The following MUS81 variants were observed in gnomAD, a reference collection of about 807,000 sequenced individuals.
MUS81 encodes the protein MUS81 structure-specific endonuclease subunit, also known as structure-specific endonuclease subunit MUS81.
MUS81 carries 69 observed loss-of-function variants against 74.2 expected under a neutral mutation model. The observed-to-expected ratio is 0.93, with a 90% CI of 0.77 to 1.14. The LOEUF (loss-of-function observed/expected upper bound fraction) is 1.14. MUS81 is among the 50% of genes most tolerant of loss of function. The probability of loss-of-function intolerance (pLI) is 0.00; values close to 1 mark genes in which losing one functional copy is unlikely to be tolerated. For missense variants in MUS81, 711 were observed against 726.5 expected (o/e 0.98, Z 0.25); for synonymous variants, 303 against 300.6 (o/e 1.01, Z -0.08).
Position 65,863,860 on chromosome 11 carries a change from C to A in MUS81, c.1018C>A (p.Leu340Ile). The A allele has an allele frequency of 6.2e-7, 1 of 1,614,172 alleles. No homozygotes were observed. Among genetic ancestry groups the A allele is most frequent in the Non-Finnish European group, 8.5e-7 (1 of 1,180,008 alleles). ...HIVERKRLDD[L>I]CSSIIDGRFR... ...TGTGGAGCGCAAGCGACTGGATGAC[C>A]TTTGCAGCAGCATCATCGACGGCCG... is the stretch of plus-strand genomic sequence containing the variant. The change falls in exon 10 of 16, where the codon CTT (leucine) becomes ATT (isoleucine). Residue 340 changes from leucine to isoleucine, a missense_variant. Coordinates refer to ENST00000308110, the MANE Select transcript of MUS81 (RefSeq NM_025128.5).
chr11:65,860,621 A>ATCTCAACGGTCCTGCCCTCGG lies in MUS81; in HGVS notation c.-128_-108dup. On this transcript the variant is annotated 5_prime_UTR_variant, in exon 1 of 16. Transcript: ENST00000308110. Reference sequence around the variant, plus strand: ...TGCCCCCTGTGTTTGGGGCCCCGTGATCTCAACGGTCCTGCCCTCGGTCTC... The same window carrying ATCTCAACGGTCCTGCCCTCGG: ...TGCCCCCTGTGTTTGGGGCCCCGTGATCTCAACGGTCCTGCCCTCGGTCTCAACGGTCCTGCCCTCGGTCTC... 7.7e-7 allele frequency: 1 copy of ATCTCAACGGTCCTGCCCTCGG among 1,300,718 alleles called. No homozygotes were observed. The highest frequency in any genetic ancestry group is 1.1e-6 in the Non-Finnish European group (1 of 942,396). The allele number at this position is 1,300,718 out of a possible 1,614,324, so 80.6% of individuals were successfully genotyped here.
intron 10 of MUS81, 117 bp from the exon 11 acceptor site, chr11:65,864,380 G>A: frequency 1.1e-6 from 1 of 874,782 alleles, no homozygotes; most frequent in Non-Finnish European, 1.9e-6. Context: ...TAGGGAGGAT[G>A]CAGAGGCTAA....
chr11:65,865,686 A>G lies in MUS81; in HGVS notation c.1506-125A>G, dbSNP rs899030513. The G allele has an allele frequency of 4.4e-5, 45 of 1,014,864 alleles. 1 individual carries two copies. The highest frequency in any genetic ancestry group is 3.7e-4 in the Admixed American group (17 of 46,066). 62.9% of individuals were successfully genotyped at this position (1,014,864 alleles called of 1,614,324 possible). On this transcript the variant is annotated intron_variant, in intron 14 of 15. Coordinates refer to ENST00000308110, the MANE Select transcript of MUS81 (RefSeq NM_025128.5). ...GGCTGGCATGGGGCCTTGAGTGCCA[A>G]GCTCAGGAAGTGGGGCAGTGTCCCA... is the stretch of plus-strand genomic sequence containing the variant.
chr11:65,863,358 A>G (rs1859686425), intron 7 of MUS81, 52 bp from the exon 8 acceptor site: 1 of 1,608,206 alleles, frequency 6.2e-7, no homozygotes, highest in Non-Finnish European at 8.5e-7. Flanking sequence ...GTGTGGGGCA[A>G]CTGCCCTGGC....
At chr11:65,862,780 G>T in intron 6 of MUS81, among the ~76,000 whole-genome samples, 1 of 152,220 alleles carries the variant, frequency 6.6e-6, no homozygotes. Flanking sequence ...AGGATTTGGC[G>T]GGTAGAGATG....
intron 14 of MUS81, 147 bp downstream of exon 14, chr11:65,865,470 A>C: frequency 1.2e-6 from 1 of 849,090 alleles, no homozygotes; most frequent in South Asian, 1.8e-5. Context: ...CGTGGAGGTC[A>C]AGTGGGGAGG....
At chr11:65,866,841 T>C (rs1301890143), downstream of MUS81, 2 of 1,566,816 alleles carry the variant, frequency 1.3e-6, no homozygotes, top group Non-Finnish European at 8.8e-7. Context: ...TCTCCCTTTA[T>C]TGCCTTTCTC....
chr11:65,861,457 T>A, intron 3 of MUS81, 22 bp downstream of exon 3: 1 of 1,576,458 alleles, frequency 6.3e-7, no homozygotes, highest in South Asian at 1.1e-5. Context: ...GCAAGGGGAG[T>A]GGAAGGCAAA....
Position 65,865,338 on chromosome 11 carries a change from G to T in MUS81, c.1505+15G>T. 6.2e-7 allele frequency: 1 copy of T among 1,608,176 alleles called. No homozygotes were observed. The highest frequency in any genetic ancestry group is 1.1e-5 in the South Asian group (1 of 90,668). On this transcript the variant is annotated intron_variant, in intron 14 of 15. Coordinates refer to ENST00000308110, the MANE Select transcript of MUS81 (RefSeq NM_025128.5). ...ACCCCTGCCAGGTAGGCCCTAAAGG[G>T]CCCTTAGGTGTCCTCAGCCCCTGCC...
chr11:65,860,488 CTG>C lies in MUS81; in HGVS notation c.-265_-264del, dbSNP rs1565263377. Reference sequence around the variant, plus strand: ...GCTGGGAAAGGGCGCGTCTCAAAGGCTGGCTGGAGTGGAGCCAAGGGAAAAGA... The same window carrying C: ...GCTGGGAAAGGGCGCGTCTCAAAGGCGCTGGAGTGGAGCCAAGGGAAAAGA... On this transcript the variant is annotated 5_prime_UTR_variant, in exon 1 of 16. Transcript: ENST00000308110. 1.8e-6 allele frequency: 1 copy of C among 570,576 alleles called. No individual in the cohort carries two copies. The highest frequency in any genetic ancestry group is 3.2e-6 in the Non-Finnish European group (1 of 315,966). The allele number at this position is 570,576 out of a possible 1,614,324, so 35.3% of individuals were successfully genotyped here.
At chr11:65,864,888 C>T in intron 12 of MUS81, 73 bp downstream of exon 12, 1 of 1,577,868 alleles carries the variant, frequency 6.3e-7, no homozygotes, top group Non-Finnish European at 8.6e-7. Flanking sequence ...CCCTGTGCAT[C>T]CCCAAAAGAA....
intron 14 of MUS81, 89 bp from the exon 15 acceptor site, chr11:65,865,717 TCCATC>T (rs1245807564): frequency 7.9e-5 from 101 of 1,283,824 alleles, no homozygotes; most frequent in Non-Finnish European, 1.1e-4. Context: ...TCCCAACTCT[TCCATC>T]CCATGCTGAC....
intron 14 of MUS81, 79 bp from the exon 15 acceptor site, chr11:65,865,732 C>A: frequency 7.1e-7 from 1 of 1,408,140 alleles, no homozygotes; most frequent in Non-Finnish European, 1.0e-6. Flanking sequence ...CCCATGCTGA[C>A]CCCTCTGCCT....
In MUS81 at chr11:65,862,885, G is replaced by A. The variant is rs139981096; in HGVS notation, c.606-180G>A. Among the ~76,000 whole-genome samples, 14 of 152,332 alleles carry A rather than the reference G, an allele frequency of 9.2e-5. No homozygotes were observed. The East Asian group carries it at 2.7e-3, about 29-fold the overall frequency. ...CACTTCTTGCAGACCTGAGAATGGC[G>A]CTGAGCAGGCCCAAGGAACTGCTCT... On this transcript the variant is annotated intron_variant, in intron 6 of 15. Coordinates refer to ENST00000308110, the MANE Select transcript of MUS81 (RefSeq NM_025128.5).
At chr11:65,866,902 G>A (rs1199892052), downstream of MUS81, 1 of 1,613,976 alleles carries the variant, frequency 6.2e-7, no homozygotes, top group Non-Finnish European at 8.5e-7. Flanking sequence ...CAGGGAGGGT[G>A]GCTCCCTCCT....
At chr11:65,867,210 T>C, downstream of MUS81, 1 of 1,072,728 alleles carries the variant, frequency 9.3e-7, no homozygotes, top group Non-Finnish European at 1.4e-6. Flanking sequence ...CACCCCAGCC[T>C]CTCATGCAGC....
intron 10 of MUS81, 92 bp from the exon 11 acceptor site, chr11:65,864,405 G>T: frequency 8.5e-7 from 1 of 1,181,266 alleles, no homozygotes; most frequent in Non-Finnish European, 1.3e-6. Context: ...TGGGAACAGG[G>T]TCCCGGCACC....
intron 8 of MUS81, 49 bp downstream of exon 8, chr11:65,863,551 G>C: frequency 1.2e-6 from 2 of 1,614,006 alleles, no homozygotes; most frequent in Non-Finnish European, 1.7e-6. Context: ...GAGGCTGGGG[G>C]GTAGGCACTG....
intron 14 of MUS81, chr11:65,865,578 G>T: frequency 1.6e-6 from 1 of 624,440 alleles, no homozygotes; most frequent in Non-Finnish European, 2.8e-6. Flanking sequence ...AGAAGGGGTT[G>T]GGCCATTAAG....
Sources: gnomAD v4.1 joint callset for allele counts (sites outside exome capture counted in the v4.1 genomes callset) on GRCh38, gnomAD v4.1.1 for gene constraint, MANE v1.5 for transcripts, NCBI Gene and HGNC (gene_info 2026-07-23, HGNC 2026-07-21) for gene names.